MDM2: variants seen among roughly 807,000 people sequenced by gnomAD.
The protein encoded by MDM2 is E3 ubiquitin-protein ligase Mdm2.
A neutral mutation model predicts 64.3 loss-of-function variants in MDM2; 11 were observed. The ratio of observed to expected loss-of-function variants is 0.17; its 90% confidence interval spans 0.11 to 0.28. The LOEUF (loss-of-function observed/expected upper bound fraction) is 0.28. Among genes scored for constraint, MDM2 ranks in the 10% least tolerant of loss-of-function variants. MDM2 has a pLI of 1.00. For missense variants in MDM2, 388 were observed against 577.1 expected (o/e 0.67, Z 3.36); for synonymous variants, 194 against 192.9 (o/e 1.01, Z -0.05).
intron 4 of MDM2, among the ~76,000 whole-genome samples, chr12:68,819,511 G>C (rs1293635667): frequency 6.6e-6 from 1 of 152,096 alleles, no homozygotes; most frequent in Non-Finnish European, 1.5e-5. Flanking sequence ...TCTTCCCTGA[G>C]TCGGAGTTTT....
intron 8 of MDM2, among the ~76,000 whole-genome samples, chr12:68,830,139 A>T (rs144627536): frequency 6.6e-6 from 1 of 152,260 alleles, no homozygotes; most frequent in South Asian, 2.1e-4. Flanking sequence ...AATTCTTCCA[A>T]TGTCGCCCAC....
chr12:68,816,362 CTTTTTTTT>C (rs62874563), intron 3 of MDM2, among the ~76,000 whole-genome samples: 2 of 61,082 alleles, frequency 3.3e-5, no homozygotes, highest in Non-Finnish European at 5.6e-5. Context: ...TTAAAAGTAG[CTTTTTTTT>C]TTTTTTTTTT....
Position 68,843,738 on chromosome 12 carries a change from A to G in MDM2, c.*3889A>G. Reference sequence around the variant, plus strand: ...CTCTGTCTGTCTCAATAAATGGCCAAAGGGATTAGTAGTTTACCTGTGGAG... The same window carrying G: ...CTCTGTCTGTCTCAATAAATGGCCAGAGGGATTAGTAGTTTACCTGTGGAG... On this transcript the variant is annotated 3_prime_UTR_variant, in exon 11 of 11. Transcript: ENST00000258149. The G allele has an allele frequency of 4.5e-6, 1 of 222,426 alleles. No homozygotes were observed. Among genetic ancestry groups the G allele is most frequent in the Non-Finnish European group, 9.0e-6 (1 of 111,312 alleles). 13.8% of individuals were successfully genotyped at this position (222,426 alleles called of 1,614,324 possible). A position where few individuals can be genotyped will look rare whatever the true frequency, so the allele number is the denominator to read the frequency against.
intron 5 of MDM2, among the ~76,000 whole-genome samples, chr12:68,821,345 C>G (rs1881834023): frequency 6.6e-6 from 1 of 152,238 alleles, no homozygotes; most frequent in Admixed American, 6.5e-5. Flanking sequence ...TGCACCCGGT[C>G]TCACAGTTTG....
At chr12:68,825,743 G>A (rs1357440955) in intron 7 of MDM2, among the ~76,000 whole-genome samples, 1 of 152,246 alleles carries the variant, frequency 6.6e-6, no homozygotes, top group Non-Finnish European at 1.5e-5. Context: ...GCCTGAGGAA[G>A]TCGCAGTAAC....
At chr12:68,813,496 G>C in intron 2 of MDM2, 58 bp from the exon 3 acceptor site, 5 of 1,161,430 alleles carry the variant, frequency 4.3e-6, no homozygotes, top group Non-Finnish European at 6.4e-6. Flanking sequence ...GTTTGCTGCA[G>C]GGCCTATAGT....
intron 4 of MDM2, among the ~76,000 whole-genome samples, chr12:68,819,004 T>C (rs914690297): frequency 6.6e-6 from 1 of 152,192 alleles, no homozygotes; most frequent in African/African-American, 2.4e-5. Context: ...AGTGCTGGGA[T>C]TACAGACGTG....
chr12:68,829,753 G>A (rs562538244), intron 8 of MDM2, among the ~76,000 whole-genome samples: 71 of 141,054 alleles, frequency 5.0e-4, no homozygotes, highest in Middle Eastern at 3.8e-3. Flanking sequence ...GTGACAGAGC[G>A]AGACTCCATC....
In MDM2 at chr12:68,824,376, A is replaced by G. The variant is rs368723733; in HGVS notation, c.372A>G (p.Ser124=). Residue 124 remains serine, a synonymous_variant, in exon 6 of 11, where the codon TCA becomes TCG. Coordinates refer to ENST00000258149, the MANE Select transcript of MDM2 (RefSeq NM_002392.6). The part of the protein sequence containing the change: ...VVVNQQESSD[S]GTSVSENRCH... ...CTTTTCTCTCAGAATCATCGGACTCAGGTACATCTGTGAGTGAGAACAGGT... is the reference window on the plus strand; with the variant it reads ...CTTTTCTCTCAGAATCATCGGACTCGGGTACATCTGTGAGTGAGAACAGGT... The G allele has an allele frequency of 2.2e-5, 36 of 1,613,506 alleles. No individual in the cohort carries two copies. The highest frequency in any genetic ancestry group is 3.1e-5 in the Non-Finnish European group (36 of 1,179,840).
In MDM2 at chr12:68,844,422, T is replaced by C. The variant is rs999132456; in HGVS notation, c.*4573T>C. Reference sequence around the variant, plus strand: ...AAGTTAGTAGGAGTAAGAAATGCTGTGTTCTCCCTGTCTTCTCTTAGGTCA... The same window carrying C: ...AAGTTAGTAGGAGTAAGAAATGCTGCGTTCTCCCTGTCTTCTCTTAGGTCA... On this transcript the variant is annotated 3_prime_UTR_variant, in exon 11 of 11. Coordinates refer to ENST00000258149, the MANE Select transcript of MDM2 (RefSeq NM_002392.6). 1.3e-5 allele frequency: 3 copies of C among 227,766 alleles called. No homozygotes were observed. Among genetic ancestry groups the C allele is most frequent in the Non-Finnish European group, 1.7e-5 (2 of 114,626 alleles). The allele number at this position is 227,766 out of a possible 1,614,324, so 14.1% of individuals were successfully genotyped here.
chr12:68,837,852 C>A (rs1267325791), intron 10 of MDM2, among the ~76,000 whole-genome samples: 19 of 100,606 alleles, frequency 1.9e-4, no homozygotes, highest in Admixed American at 1.5e-3. Flanking sequence ...GAAATAAATT[C>A]CATTTTTTCT....
chr12:68,847,159 T>A (rs1200326536), downstream of MDM2: 20 of 96,532 alleles, frequency 2.1e-4, no homozygotes, highest in African/African-American at 9.6e-4. Flanking sequence ...TATATATATA[T>A]AATACATATG....
intron 3 of MDM2, among the ~76,000 whole-genome samples, chr12:68,816,162 G>C (rs1200106324): frequency 6.6e-6 from 1 of 151,904 alleles, no homozygotes; most frequent in East Asian, 1.9e-4. Flanking sequence ...TATTTTAGTT[G>C]ATTTTTGTTT....
At chr12:68,828,677 AT>A (rs1882540867) in intron 7 of MDM2, 93 bp from the exon 8 acceptor site, 1 of 1,064,444 alleles carries the variant, frequency 9.4e-7, no homozygotes, top group Admixed American at 2.5e-5. Context: ...AACTAATTTT[AT>A]TGAAACTAAG....
In MDM2 at chr12:68,835,984, G is replaced by GGT; in HGVS notation, c.840+1_840+2dup. The GGT allele has an allele frequency of 1.3e-6, 2 of 1,590,544 alleles. No homozygotes were observed. Among genetic ancestry groups the GGT allele is most frequent in the Non-Finnish European group, 1.7e-6 (2 of 1,169,704 alleles). On this transcript the variant is annotated frameshift_variant and splice_region_variant. Transcript: ENST00000258149. LOFTEE classifies it high-confidence loss of function. The stretch of plus-strand genomic sequence containing the variant: ...AAGAACTCTCAGATGAAGATGATGA[G>GGT]GTAGTATTTTTTTTCCCCTCTAATT...
chr12:68,810,898 T>C (rs1880830689), intron 2 of MDM2, among the ~76,000 whole-genome samples: 1 of 150,828 alleles, frequency 6.6e-6, no homozygotes, highest in African/African-American at 2.4e-5. Context: ...AGAGTTTCAC[T>C]CCTGTTGCCC....
chr12:68,824,399 G>A lies in MDM2; in HGVS notation c.395G>A (p.Arg132Lys). Residue 132 changes from arginine to lysine, a missense_variant, in exon 6 of 11, where the codon AGG becomes AAG. Transcript: ENST00000258149. ...TCAGGTACATCTGTGAGTGAGAACA[G>A]GTGTCACCTTGAAGGTGGGAGTGAT... is the stretch of plus-strand genomic sequence containing the variant. ...SDSGTSVSENRCHLEGGSDQK... is the reference protein window; with the variant it reads ...SDSGTSVSENKCHLEGGSDQK... The A allele has an allele frequency of 6.2e-7, 1 of 1,613,880 alleles. No homozygotes were observed. The highest frequency in any genetic ancestry group is 8.5e-7 in the Non-Finnish European group (1 of 1,179,926).
At position 68,840,304 on chromosome 12, in the gene MDM2, C is replaced by T. The variant is rs1883655577; in HGVS notation, c.*455C>T. 5.7e-6 allele frequency: 1 copy of T among 174,838 alleles called. No homozygotes were observed. The highest frequency in any genetic ancestry group is 1.9e-4 in the South Asian group (1 of 5,244). The allele number at this position is 174,838 out of a possible 1,614,324, so 10.8% of individuals were successfully genotyped here. ...GGCCTACAGTCATCTGCCACCACAC[C>T]TGGCTAATTTTTTGTACTTTTAGTA... On this transcript the variant is annotated 3_prime_UTR_variant, in exon 11 of 11. Transcript: ENST00000258149.
rs185140075 is a variant in MDM2 at position 68,842,268 on chromosome 12, C to G, written c.*2419C>G. 7.8e-4 allele frequency: 390 copies of G among 497,046 alleles called. 7 individuals carry two copies. The Admixed American group carries it at 8.7e-3, about 11-fold the overall frequency. The allele number at this position is 497,046 out of a possible 1,614,324, so 30.8% of individuals were successfully genotyped here. ...TCAAGAAAAAGGACTACGGAAAGTT[C>G]AGGACATCAAAGAAGTCAGGCAAAA... On this transcript the variant is annotated 3_prime_UTR_variant, in exon 11 of 11. Coordinates refer to ENST00000258149, the MANE Select transcript of MDM2 (RefSeq NM_002392.6).
Sources: gnomAD v4.1 joint callset for allele counts (sites outside exome capture counted in the v4.1 genomes callset) on GRCh38, gnomAD v4.1.1 for gene constraint, MANE v1.5 for transcripts, NCBI Gene and HGNC (gene_info 2026-07-23, HGNC 2026-07-21) for gene names.